Variants in HS2ST1 observed in about 807,000 individuals in gnomAD.
HS2ST1 encodes heparan sulfate 2-O-sulfotransferase 1.
A neutral mutation model predicts 42.9 loss-of-function variants in HS2ST1; 18 were observed. The ratio of observed to expected loss-of-function variants is 0.42; its 90% confidence interval spans 0.29 to 0.62. The LOEUF (loss-of-function observed/expected upper bound fraction) is 0.62, where lower values mean the gene tolerates loss of function less well. Ranked by LOEUF, HS2ST1 falls within the 20% of genes least tolerant of loss-of-function variation. HS2ST1 has a pLI of 0.21. For synonymous variants in HS2ST1, 146 were observed against 152.9 expected (o/e 0.95, Z 0.33); for missense variants, 334 against 433.8 (o/e 0.77, Z 2.04).
chr1:87,087,887 T>C (rs1483475652), intron 3 of HS2ST1, among the ~76,000 whole-genome samples: 1 of 152,084 alleles, frequency 6.6e-6, no homozygotes, highest in Non-Finnish European at 1.5e-5. Context: ...GTCAGACAGA[T>C]CTGCCATTAA....
chr1:87,030,485 G>A (rs555650950), intron 1 of HS2ST1, among the ~76,000 whole-genome samples: 14 of 152,110 alleles, frequency 9.2e-5, no homozygotes, highest in Middle Eastern at 3.4e-3. Context: ...GTGACAGAGT[G>A]AGACCCTGTC....
At chr1:87,020,287 C>A (rs1649901840) in intron 1 of HS2ST1, among the ~76,000 whole-genome samples, 1 of 152,094 alleles carries the variant, frequency 6.6e-6, no homozygotes, top group East Asian at 1.9e-4. Context: ...GTTAGTAATT[C>A]CAAGGTTTTT....
At chr1:87,024,560 C>T (rs1358891839) in intron 1 of HS2ST1, among the ~76,000 whole-genome samples, 6 of 151,388 alleles carry the variant, frequency 4.0e-5, no homozygotes, top group Admixed American at 1.3e-4. Flanking sequence ...TTTGAGTGCT[C>T]TGCCACTTAG....
intron 1 of HS2ST1, among the ~76,000 whole-genome samples, chr1:86,926,206 G>T (rs1215405304): frequency 1.3e-5 from 2 of 152,164 alleles, no homozygotes; most frequent in Non-Finnish European, 2.9e-5. Context: ...GGGAACACTG[G>T]TTGAGTGAAT....
intron 1 of HS2ST1, among the ~76,000 whole-genome samples, chr1:86,967,844 A>G (rs1259692303): frequency 6.6e-6 from 1 of 152,162 alleles, no homozygotes; most frequent in African/African-American, 2.4e-5. Context: ...TGAATGGTAG[A>G]CCTACTTTTA....
At chr1:86,930,692 A>C (rs1347476885) in intron 1 of HS2ST1, among the ~76,000 whole-genome samples, 1 of 151,884 alleles carries the variant, frequency 6.6e-6, no homozygotes, top group Non-Finnish European at 1.5e-5. Context: ...TATTCCTCCC[A>C]CCCTGAGTTA....
intron 1 of HS2ST1, among the ~76,000 whole-genome samples, chr1:86,955,661 T>TA (rs1320069179): frequency 6.6e-6 from 1 of 152,134 alleles, no homozygotes; most frequent in East Asian, 1.9e-4. Flanking sequence ...TTTGGCTTCT[T>TA]TTGGTTTTCT....
chr1:86,979,322 C>G (rs952609529), intron 1 of HS2ST1, among the ~76,000 whole-genome samples: 2 of 152,164 alleles, frequency 1.3e-5, no homozygotes, highest in Admixed American at 1.3e-4. Flanking sequence ...ATCATCATGT[C>G]AAACTCAAAC....
chr1:86,974,448 T>C (rs1416605194), intron 1 of HS2ST1, among the ~76,000 whole-genome samples: 1 of 152,180 alleles, frequency 6.6e-6, no homozygotes, highest in Non-Finnish European at 1.5e-5. Flanking sequence ...TTCATTATAA[T>C]AAACTGGTAA....
At chr1:87,097,341 C>T (rs765966452) in intron 4 of HS2ST1, among the ~76,000 whole-genome samples, 4 of 152,108 alleles carry the variant, frequency 2.6e-5, no homozygotes, top group Non-Finnish European at 5.9e-5. Flanking sequence ...GATTCTAAAC[C>T]AGATCCTAAG....
chr1:86,978,414 C>T (rs1648485165), intron 1 of HS2ST1, among the ~76,000 whole-genome samples: 1 of 152,128 alleles, frequency 6.6e-6, no homozygotes. Flanking sequence ...GTAAGTTTTA[C>T]TCAAAAAGGG....
intron 1 of HS2ST1, among the ~76,000 whole-genome samples, chr1:86,922,200 A>G (rs1414195740): frequency 6.6e-6 from 1 of 150,470 alleles, no homozygotes; most frequent in Non-Finnish European, 1.5e-5. Flanking sequence ...TTAAGGGTTT[A>G]TGGTATACAT....
At chr1:87,019,446 G>T (rs1227986104) in intron 1 of HS2ST1, among the ~76,000 whole-genome samples, 1 of 152,146 alleles carries the variant, frequency 6.6e-6, no homozygotes, top group Non-Finnish European at 1.5e-5. Flanking sequence ...TCTGGGCCCT[G>T]CCCCCATCAT....
At chr1:87,025,901 G>A (rs1278161329) in intron 1 of HS2ST1, among the ~76,000 whole-genome samples, 1 of 152,158 alleles carries the variant, frequency 6.6e-6, no homozygotes, top group Non-Finnish European at 1.5e-5. Flanking sequence ...TATTGTTACT[G>A]AGTAAAATTG....
intron 1 of HS2ST1, among the ~76,000 whole-genome samples, chr1:87,059,008 G>A (rs1376868821): frequency 2.0e-5 from 3 of 151,470 alleles, no homozygotes; most frequent in Non-Finnish European, 4.4e-5. Context: ...GCAGTGAGCC[G>A]AGATCACACC....
intron 1 of HS2ST1, among the ~76,000 whole-genome samples, chr1:87,022,014 G>GT (rs1332163544): frequency 2.0e-5 from 3 of 152,150 alleles, no homozygotes; most frequent in Non-Finnish European, 2.9e-5. Context: ...ATGTATGGAG[G>GT]TATCAGGTAT....
At chr1:87,039,804 C>T (rs567460744) in intron 1 of HS2ST1, among the ~76,000 whole-genome samples, 9 of 152,148 alleles carry the variant, frequency 5.9e-5, no homozygotes, top group South Asian at 4.2e-4. Flanking sequence ...AGATACCATA[C>T]GTAAAGTTTC....
intron 1 of HS2ST1, among the ~76,000 whole-genome samples, chr1:87,069,397 G>A (rs1651343916): frequency 6.6e-6 from 1 of 152,138 alleles, no homozygotes; most frequent in Admixed American, 6.6e-5. Context: ...AGCCTCACAA[G>A]AGGCTGCACT....
intron 1 of HS2ST1, among the ~76,000 whole-genome samples, chr1:86,969,105 A>G (rs1648155304): frequency 6.6e-6 from 1 of 152,248 alleles, no homozygotes; most frequent in African/African-American, 2.4e-5. Flanking sequence ...TACTTTTCAT[A>G]CTTAATACTT....
Sources: gnomAD v4.1 joint callset for allele counts (sites outside exome capture counted in the v4.1 genomes callset) on GRCh38, gnomAD v4.1.1 for gene constraint, MANE v1.5 for transcripts, NCBI Gene and HGNC (gene_info 2026-07-23, HGNC 2026-07-21) for gene names.